The following ATP11A variants were observed in gnomAD, a reference collection of about 807,000 sequenced individuals.
The protein encoded by ATP11A is ATPase phospholipid transporting 11A.
Under a neutral mutation model 154.4 loss-of-function variants are expected in ATP11A, and 81 were observed. The ratio of observed to expected loss-of-function variants is 0.52; its 90% CI spans 0.44 to 0.63. The LOEUF (loss-of-function observed/expected upper bound fraction) is 0.63. Among genes scored for constraint, ATP11A ranks in the 30% least tolerant of loss-of-function variants. The probability of loss-of-function intolerance (pLI) is 0.00; values close to 1 mark genes in which losing one functional copy is unlikely to be tolerated. For missense variants in ATP11A, 1,316 were observed against 1,474.3 expected (o/e 0.89, Z 1.76); for synonymous variants, 623 against 585.9 (o/e 1.06, Z -0.91).
intron 1 of ATP11A, among the ~76,000 whole-genome samples, chr13:112,773,908 C>G (rs2139962355): frequency 6.6e-6 from 1 of 151,772 alleles, no homozygotes; most frequent in East Asian, 1.9e-4. Flanking sequence ...CGTGCCTTCC[C>G]AGGGAAGTCC....
In ATP11A at chr13:112,859,327, G is replaced by T. The variant is rs760256944; in HGVS notation, c.2668-66G>T. ...CCTCCTCCCATGTGGGGTGGGCCAC[G>T]TCGGTAGGTGGCGGCTGCCTCCCTC... On this transcript the variant is annotated intron_variant, in intron 22 of 29. Coordinates refer to ENST00000375645, the MANE Select transcript of ATP11A (RefSeq NM_015205.3). This position sits in a 1 kb window ranked among gnomAD's most constrained non-coding sequence, Gnocchi z 4.3. 2 of 1,395,546 alleles carry T rather than the reference G, an allele frequency of 1.4e-6. No individual in the cohort carries two copies. Among genetic ancestry groups the T allele is most frequent in the African/African-American group, 1.4e-5 (1 of 70,282 alleles). 86.4% of individuals were successfully genotyped at this position (1,395,546 alleles called of 1,614,324 possible).
At chr13:112,700,616 G>A (rs901238396) in intron 1 of ATP11A, among the ~76,000 whole-genome samples, 9 of 152,326 alleles carry the variant, frequency 5.9e-5, no homozygotes, top group Non-Finnish European at 7.3e-5. Flanking sequence ...GTGAGTGAAC[G>A]CCCTCCTGGC....
chr13:112,823,457 C>A, intron 9 of ATP11A, 48 bp downstream of exon 9: 1 of 1,483,492 alleles, frequency 6.7e-7, no homozygotes, highest in Non-Finnish European at 9.3e-7. Context: ...ATTAAGGATG[C>A]ATGAAGCAAA....
At chr13:112,788,875 G>A (rs567265696) in intron 2 of ATP11A, among the ~76,000 whole-genome samples, 1 of 150,710 alleles carries the variant, frequency 6.6e-6, no homozygotes, top group Non-Finnish European at 1.5e-5. Flanking sequence ...GCATCCTGAC[G>A]TGTAGACTCC....
chr13:112,705,535 C>A (rs1055536779), intron 1 of ATP11A, among the ~76,000 whole-genome samples: 1 of 152,250 alleles, frequency 6.6e-6, no homozygotes, highest in Non-Finnish European at 1.5e-5. Context: ...TGTGAGGAGG[C>A]GCCAGGGACA....
intron 1 of ATP11A, among the ~76,000 whole-genome samples, chr13:112,750,086 T>TC (rs530034081): frequency 0.23 from 925 of 4,072 alleles, 57 homozygotes; most frequent in Non-Finnish European, 0.26. Context: ...CGGGGTTGAG[T>TC]CCCCTTCAGC....
At chr13:112,835,714 A>G (rs1359756367) in intron 15 of ATP11A, among the ~76,000 whole-genome samples, 1 of 152,238 alleles carries the variant, frequency 6.6e-6, no homozygotes, top group African/African-American at 2.4e-5. Flanking sequence ...TCCAGACGCC[A>G]CACAGGTTTT....
At chr13:112,864,343 A>T (rs1285512677) in intron 25 of ATP11A, among the ~76,000 whole-genome samples, 1 of 72,300 alleles carries the variant, frequency 1.4e-5, no homozygotes, top group South Asian at 5.0e-4. Flanking sequence ...AATTCAGTGC[A>T]GGCCATGCAG....
intron 25 of ATP11A, among the ~76,000 whole-genome samples, chr13:112,867,829 A>G (rs1209824178): frequency 3.3e-5 from 5 of 152,128 alleles, no homozygotes; most frequent in Admixed American, 1.3e-4. Flanking sequence ...TTACGTAGCA[A>G]TTTGGGGTTG....
intron 17 of ATP11A, among the ~76,000 whole-genome samples, chr13:112,843,140 T>C (rs1168067051): frequency 4.6e-5 from 7 of 150,916 alleles, no homozygotes; most frequent in Admixed American, 4.6e-4. Context: ...ACGTGCTCTC[T>C]CCCGTCAGAT....
chr13:112,812,656 C>A lies in ATP11A; in HGVS notation c.441+1930C>A, dbSNP rs148343663. 8.7e-4 allele frequency among the ~76,000 whole-genome samples: 133 copies of A among 152,382 alleles called. 2 individuals carry two copies. The East Asian group carries it at 0.02, about 23-fold the overall frequency. On this transcript the variant is annotated intron_variant, in intron 5 of 29. Transcript: ENST00000375645. ...CACTAACCCCCCACCGCTCACCTTG[C>A]TCTCACTGTTCTGTGTATCACACAC...
intron 1 of ATP11A, among the ~76,000 whole-genome samples, chr13:112,765,873 C>T (rs1195487500): frequency 1.3e-5 from 2 of 152,258 alleles, no homozygotes; most frequent in Non-Finnish European, 2.9e-5. Flanking sequence ...AAAGCAGCCA[C>T]TCCCCTCACA....
At chr13:112,712,687 T>G (rs188805818) in intron 1 of ATP11A, among the ~76,000 whole-genome samples, 1 of 152,286 alleles carries the variant, frequency 6.6e-6, no homozygotes, top group Non-Finnish European at 1.5e-5. Flanking sequence ...GAAACCTGTT[T>G]CCAAGGTGTG....
chr13:112,778,217 G>T (rs2077394944), intron 1 of ATP11A, among the ~76,000 whole-genome samples: 1 of 152,250 alleles, frequency 6.6e-6, no homozygotes, highest in Non-Finnish European at 1.5e-5. Context: ...CCAAGGCCTT[G>T]CAGCCTCCAC....
chr13:112,803,299 G>T (rs1162763320), intron 2 of ATP11A, among the ~76,000 whole-genome samples: 1 of 152,204 alleles, frequency 6.6e-6, no homozygotes, highest in East Asian at 1.9e-4. Context: ...CCAGGCTTTA[G>T]TTGTTACATT....
At chr13:112,727,201 C>CAAA (rs1210630755) in intron 1 of ATP11A, among the ~76,000 whole-genome samples, 1 of 152,148 alleles carries the variant, frequency 6.6e-6, no homozygotes. Flanking sequence ...GCATGTGCCA[C>CAAA]CATGCCTGGC....
intron 1 of ATP11A, among the ~76,000 whole-genome samples, chr13:112,733,017 G>A (rs1890649898): frequency 6.6e-6 from 1 of 152,122 alleles, no homozygotes; most frequent in African/African-American, 2.4e-5. Flanking sequence ...AATAGACACA[G>A]GTTTACAAGT....
chr13:112,715,698 ATCT>A (rs1264180131), intron 1 of ATP11A, among the ~76,000 whole-genome samples: 8 of 150,618 alleles, frequency 5.3e-5, no homozygotes, highest in African/African-American at 2.0e-4. Context: ...TTACAGATTA[ATCT>A]TCTTCCAAAG....
At chr13:112,718,122 C>G (rs1888700945) in intron 1 of ATP11A, among the ~76,000 whole-genome samples, 1 of 152,154 alleles carries the variant, frequency 6.6e-6, no homozygotes, top group African/African-American at 2.4e-5. Context: ...CCCCTGCCCC[C>G]CACCCCGCCA....
Sources: gnomAD v4.1 joint callset for allele counts (sites outside exome capture counted in the v4.1 genomes callset) on GRCh38, gnomAD v4.1.1 for gene constraint, Gnocchi (gnomAD v3.1) non-coding constraint, MANE v1.5 for transcripts, NCBI Gene and HGNC (gene_info 2026-07-23, HGNC 2026-07-21) for gene names.